MORC1: variants seen among roughly 807,000 people sequenced by gnomAD.
MORC1 encodes the protein MORC family CW-type zinc finger protein 1.
MORC1 carries 59 observed loss-of-function variants against 134.9 expected under a neutral mutation model. The observed-to-expected ratio is 0.44, with a 90% CI of 0.35 to 0.54. The LOEUF is 0.54. MORC1 is among the 20% of genes least tolerant of loss of function. MORC1 has a pLI of 0.00. For missense variants in MORC1, 947 were observed against 1,134.5 expected (o/e 0.83, Z 2.37); for synonymous variants, 395 against 391.7 (o/e 1.01, Z -0.10).
At chr3:109,013,966 C>A (rs1948758007) in intron 17 of MORC1, among the ~76,000 whole-genome samples, 1 of 152,168 alleles carries the variant, frequency 6.6e-6, no homozygotes, top group Admixed American at 6.5e-5. Flanking sequence ...GATACTGGCA[C>A]CTTGATATTG....
At chr3:109,097,147 AAAG>A (rs1950845335) in intron 6 of MORC1, among the ~76,000 whole-genome samples, 2 of 152,224 alleles carry the variant, frequency 1.3e-5, no homozygotes, top group African/African-American at 4.8e-5. Context: ...ATACTGAGAC[AAAG>A]AAGATTATTT....
In MORC1 at chr3:108,983,473, G is replaced by A. The variant is rs58245289; in HGVS notation, c.2324+1243C>T. Among the ~76,000 whole-genome samples, 974 of 152,286 alleles carry A rather than the reference G, an allele frequency of 6.4e-3. 10 individuals carry two copies. The highest frequency in any genetic ancestry group is 0.051 in the Middle Eastern group (15 of 294). On this transcript the variant is annotated intron_variant, in intron 23 of 27. Coordinates refer to ENST00000232603, the MANE Select transcript of MORC1 (RefSeq NM_014429.4). The stretch of plus-strand genomic sequence containing the variant: ...AAACAGGATGATAAAAGTGTGACTT[G>A]TCAGAAATGAGATGGGCTACTTTAG...
At chr3:108,984,899 T>C in intron 22 of MORC1, 117 bp from the exon 23 acceptor site, 1 of 689,658 alleles carries the variant, frequency 1.4e-6, no homozygotes, top group Non-Finnish European at 2.3e-6. Flanking sequence ...TATTGAAACA[T>C]CCATTTATAA....
intron 17 of MORC1, among the ~76,000 whole-genome samples, chr3:109,014,177 T>C (rs1241181964): frequency 1.3e-5 from 2 of 152,212 alleles, no homozygotes; most frequent in African/African-American, 4.8e-5. Context: ...TAAATCTATA[T>C]AGCCATATTT....
At chr3:109,032,872 C>T (rs1269672556) in intron 15 of MORC1, 47 bp from the exon 16 acceptor site, 1 of 1,225,430 alleles carries the variant, frequency 8.2e-7, no homozygotes, top group Non-Finnish European at 1.2e-6. Context: ...AGAAATGAAT[C>T]TATCATAGTA....
chr3:109,017,086 G>A (rs144213553), intron 17 of MORC1, among the ~76,000 whole-genome samples: 11 of 152,132 alleles, frequency 7.2e-5, no homozygotes, highest in African/African-American at 2.7e-4. Flanking sequence ...TACCCATGGC[G>A]TCTATTTCTT....
At chr3:109,102,648 T>A (rs1950950991) in intron 4 of MORC1, among the ~76,000 whole-genome samples, 1 of 152,192 alleles carries the variant, frequency 6.6e-6, no homozygotes, top group Non-Finnish European at 1.5e-5. Context: ...AAGGTCTGAA[T>A]ATCCGTCACT....
At chr3:109,111,064 A>AAAC (rs796817983) in intron 2 of MORC1, among the ~76,000 whole-genome samples, 1 of 150,858 alleles carries the variant, frequency 6.6e-6, no homozygotes, top group African/African-American at 2.4e-5. Context: ...AAAAAAAAAA[A>AAAC]AAAACAAAAA....
intron 20 of MORC1, among the ~76,000 whole-genome samples, chr3:109,001,849 C>T (rs1457359917): frequency 6.6e-6 from 1 of 152,218 alleles, no homozygotes; most frequent in Non-Finnish European, 1.5e-5. Context: ...TCTCTTGGCA[C>T]ATCCTCTTGG....
chr3:109,099,593 A>C, intron 5 of MORC1, 127 bp from the exon 6 acceptor site: 1 of 650,110 alleles, frequency 1.5e-6, no homozygotes. Flanking sequence ...CTGACCCGTC[A>C]TCAAGAGGGT....
At chr3:109,025,759 A>C (rs1270751355) in intron 17 of MORC1, among the ~76,000 whole-genome samples, 1 of 152,178 alleles carries the variant, frequency 6.6e-6, no homozygotes, top group East Asian at 1.9e-4. Context: ...GTCAGTTACA[A>C]TAAGAAAACA....
intron 26 of MORC1, among the ~76,000 whole-genome samples, chr3:108,969,106 T>TA (rs1027291151): frequency 1.5e-3 from 225 of 151,352 alleles, no homozygotes; most frequent in Middle Eastern, 0.01. Flanking sequence ...TGATAACTGT[T>TA]AAAAAAAAAT....
intron 8 of MORC1, among the ~76,000 whole-genome samples, chr3:109,082,280 G>A (rs1357690457): frequency 6.7e-6 from 1 of 149,742 alleles, no homozygotes; most frequent in African/African-American, 2.4e-5. Context: ...GGTAAATTAC[G>A]AATAATCTTC....
chr3:109,103,705 TA>T (rs1950970931), intron 4 of MORC1, 143 bp downstream of exon 4: 1 of 651,582 alleles, frequency 1.5e-6, no homozygotes, highest in South Asian at 2.4e-5. Flanking sequence ...TACTTAAACC[TA>T]AAAAGTTCAA....
At position 109,059,129 on chromosome 3, in the gene MORC1, G is replaced by A. The variant is rs184374472; in HGVS notation, c.1031+677C>T. Among the ~76,000 whole-genome samples, 26 of 152,204 alleles carry A rather than the reference G, an allele frequency of 1.7e-4. No homozygotes were observed. In the South Asian group the frequency reaches 4.1e-3, roughly 24 times the overall value. ...GTTTTGAGGAAAGTTATGGTTGAATGTCAGTGCATGGTTCACGAAAAATAA... is the reference window on the plus strand; with the variant it reads ...GTTTTGAGGAAAGTTATGGTTGAATATCAGTGCATGGTTCACGAAAAATAA... On this transcript the variant is annotated intron_variant, in intron 12 of 27. Coordinates refer to ENST00000232603, the MANE Select transcript of MORC1 (RefSeq NM_014429.4).
chr3:109,075,110 A>G (rs1950393149), intron 8 of MORC1, among the ~76,000 whole-genome samples: 1 of 152,212 alleles, frequency 6.6e-6, no homozygotes, highest in Non-Finnish European at 1.5e-5. Flanking sequence ...ACTGTACAAA[A>G]TAAGTCATAT....
chr3:109,063,738 T>C (rs2107690157), intron 9 of MORC1, among the ~76,000 whole-genome samples: 1 of 152,314 alleles, frequency 6.6e-6, no homozygotes, highest in South Asian at 2.1e-4. Flanking sequence ...AGGTCCATTG[T>C]TTTAGTGATG....
chr3:109,020,473 A>G (rs955435278), intron 17 of MORC1, among the ~76,000 whole-genome samples: 1 of 152,130 alleles, frequency 6.6e-6, no homozygotes, highest in African/African-American at 2.4e-5. Context: ...AGTACAAGGT[A>G]AAAAATAGAC....
chr3:108,996,494 G>A (rs1025139391), intron 21 of MORC1, among the ~76,000 whole-genome samples: 3 of 152,172 alleles, frequency 2.0e-5, no homozygotes, highest in African/African-American at 7.2e-5. Flanking sequence ...GCTATCTAGA[G>A]CATTTGGAAA....
Sources: allele counts gnomAD v4.1 joint callset (sites outside exome capture counted in the v4.1 genomes callset), GRCh38; gene constraint gnomAD v4.1.1; transcripts MANE v1.5; gene names NCBI Gene and HGNC (gene_info 2026-07-23, HGNC 2026-07-21).